LTO1: variants seen among roughly 807,000 people sequenced by gnomAD.
LTO1 encodes the protein protein LTO1 homolog.
A neutral mutation model predicts 19.8 loss-of-function variants in LTO1; 18 were observed. That is an observed-to-expected ratio of 0.91 (90% CI 0.63 to 1.35). LTO1 has a LOEUF of 1.35. LTO1 is among the 40% of genes most tolerant of loss of function. The pLI, the probability that LTO1 is intolerant of heterozygous loss-of-function variation, is 0.00. For synonymous variants in LTO1, 59 were observed against 59.6 expected (o/e 0.99, Z 0.05); for missense variants, 175 against 167.9 (o/e 1.04, Z -0.23).
At chr11:69,670,890 G>A (rs1856099321) in intron 3 of LTO1, among the ~76,000 whole-genome samples, 1 of 151,914 alleles carries the variant, frequency 6.6e-6, no homozygotes, top group Non-Finnish European at 1.5e-5. Flanking sequence ...AATGCAGGAA[G>A]AAGAGTTTTT....
intron 3 of LTO1, among the ~76,000 whole-genome samples, chr11:69,671,184 C>T (rs1035119633): frequency 6.6e-6 from 1 of 152,126 alleles, no homozygotes; most frequent in African/African-American, 2.4e-5. Context: ...TAGGAGTGAG[C>T]CACTGCGCCC....
chr11:69,673,689 C>CT (rs71046532), intron 1 of LTO1, among the ~76,000 whole-genome samples: 62,895 of 121,220 alleles, frequency 0.52, 18,570 homozygotes, highest in East Asian at 0.86. Context: ...TTCTTTCTTC[C>CT]TTTTTTTTTT....
At chr11:69,672,727 T>C in intron 2 of LTO1, 1 of 243,596 alleles carries the variant, frequency 4.1e-6, no homozygotes, top group East Asian at 9.6e-5. Flanking sequence ...AAATGCACTC[T>C]TGGTTCTGTA....
intron 1 of LTO1, 197 bp from the exon 2 acceptor site, chr11:69,673,518 C>T (rs1385309562): frequency 1.8e-6 from 1 of 568,920 alleles, no homozygotes. Flanking sequence ...GTCACTGTAC[C>T]TCTTGTAGCC....
chr11:69,667,808 GCCGCAGCGGCCCCGGGAGTGCGCTGCC>G, intron 4 of LTO1, 60 bp downstream of exon 4: 1 of 812,694 alleles, frequency 1.2e-6, no homozygotes, highest in East Asian at 2.5e-5. Context: ...CCAGGCCATT[GCCGCAGCGGCCCCGGGAGTGCGCTGCC>G]CCGCCTGGGA....
chr11:69,673,949 CG>C (rs1029324244), intron 1 of LTO1, among the ~76,000 whole-genome samples: 6 of 151,996 alleles, frequency 3.9e-5, no homozygotes, highest in Non-Finnish European at 7.4e-5. Flanking sequence ...CTCTGCTTCC[CG>C]GGTTCACGCT....
rs990094600 is a variant in LTO1, at chr11:69,667,011, T to C, written c.*508A>G. On this transcript the variant is annotated 3_prime_UTR_variant, in exon 5 of 5. Transcript: ENST00000279147. ...TGTAAAATGAGAATAACACCCATCT[T>C]GTGGGCTCCTGAAGGGATTAAATAA... The C allele has an allele frequency of 6.5e-6, 1 of 153,356 alleles. No homozygotes were observed. Among genetic ancestry groups the C allele is most frequent in the Non-Finnish European group, 1.4e-5 (1 of 68,966 alleles). The allele number at this position is 153,356 out of a possible 1,614,324, so 9.5% of individuals were successfully genotyped here.
intron 3 of LTO1, among the ~76,000 whole-genome samples, chr11:69,669,648 G>A (rs112267300): frequency 0.041 from 6,301 of 152,246 alleles, 252 homozygotes; most frequent in African/African-American, 0.094. Context: ...ACACCCAGCC[G>A]GGCGCACCAT....
chr11:69,668,802 T>C (rs770489824), intron 3 of LTO1, among the ~76,000 whole-genome samples: 1 of 151,152 alleles, frequency 6.6e-6, no homozygotes, highest in Non-Finnish European at 1.5e-5. Flanking sequence ...CCGAGGAGGG[T>C]GGATCACCTG....
chr11:69,667,676 C>G, intron 4 of LTO1, 89 bp from the exon 5 acceptor site: 1 of 979,338 alleles, frequency 1.0e-6, no homozygotes, highest in East Asian at 2.4e-5. Flanking sequence ...ATAGCTTTTC[C>G]TGTCTATGTG....
rs1015401633 is a variant in LTO1, at chr11:69,667,402, C to T, written c.*117G>A. The T allele has an allele frequency of 2.7e-6, 2 of 748,336 alleles. No individual in the cohort carries two copies. The highest frequency in any genetic ancestry group is 3.5e-5 in the African/African-American group (2 of 57,042). The allele number at this position is 748,336 out of a possible 1,614,324, so 46.4% of individuals were successfully genotyped here. On this transcript the variant is annotated 3_prime_UTR_variant, in exon 5 of 5. Transcript: ENST00000279147. Reference sequence around the variant, plus strand: ...AGCCCTCCCACGGCCGAACCGGAACCCTCACCCTCCCAATGAACAACTGCC... The same window carrying T: ...AGCCCTCCCACGGCCGAACCGGAACTCTCACCCTCCCAATGAACAACTGCC...
intron 2 of LTO1, chr11:69,672,981 T>C (rs1856129314): frequency 3.8e-6 from 2 of 520,476 alleles, no homozygotes; most frequent in African/African-American, 3.8e-5. Flanking sequence ...TCAGTATTTT[T>C]AGTAGAGACA....
intron 3 of LTO1, among the ~76,000 whole-genome samples, chr11:69,670,387 A>G (rs1232243699): frequency 6.6e-6 from 1 of 152,196 alleles, no homozygotes; most frequent in Non-Finnish European, 1.5e-5. Context: ...TGGAGTTGAG[A>G]GCCAGGCTCA....
At chr11:69,671,955 A>C in intron 2 of LTO1, 136 bp from the exon 3 acceptor site, 1 of 652,006 alleles carries the variant, frequency 1.5e-6, no homozygotes, top group Non-Finnish European at 2.8e-6. Flanking sequence ...GCACCTGTTG[A>C]GCATTAGGCA....
At chr11:69,673,848 T>C (rs1280446632) in intron 1 of LTO1, among the ~76,000 whole-genome samples, 1 of 152,070 alleles carries the variant, frequency 6.6e-6, no homozygotes, top group Non-Finnish European at 1.5e-5. Flanking sequence ...CCACCGCACC[T>C]GGCCTGCAAT....
rs1856033061 is a variant in LTO1, at chr11:69,666,392, G to A, written c.*1127C>T. ...CAGGAGGGGTGTGGAGAGCCAGCGTGTGGGGACTTCGGTGACCCTGGGGGG... is the reference window on the plus strand; with the variant it reads ...CAGGAGGGGTGTGGAGAGCCAGCGTATGGGGACTTCGGTGACCCTGGGGGG... On this transcript the variant is annotated 3_prime_UTR_variant, in exon 5 of 5. Coordinates refer to ENST00000279147, the MANE Select transcript of LTO1 (RefSeq NM_153451.3). 1 of 152,506 alleles carries A rather than the reference G, an allele frequency of 6.6e-6. No individual in the cohort carries two copies. 9.4% of individuals were successfully genotyped at this position (152,506 alleles called of 1,614,324 possible).
chr11:69,668,239 A>T (rs1856061727), intron 3 of LTO1: 1 of 474,296 alleles, frequency 2.1e-6, no homozygotes, highest in Non-Finnish European at 3.8e-6. Context: ...TAGCTTACAG[A>T]CACGCCTCCA....
chr11:69,668,215 A>T (rs1467817493), intron 3 of LTO1: 1 of 522,148 alleles, frequency 1.9e-6, no homozygotes, highest in Non-Finnish European at 3.5e-6. Flanking sequence ...GTGCCTCGAC[A>T]GCAAGTGTGT....
intron 1 of LTO1, 92 bp downstream of exon 1, chr11:69,675,098 G>A: frequency 8.4e-7 from 1 of 1,193,002 alleles, no homozygotes. Flanking sequence ...AGGGACGCCA[G>A]GCTCCAGCAG....
Sources: gnomAD v4.1 joint callset for allele counts (sites outside exome capture counted in the v4.1 genomes callset) on GRCh38, gnomAD v4.1.1 for gene constraint, MANE v1.5 for transcripts, NCBI Gene and HGNC (gene_info 2026-07-23, HGNC 2026-07-21) for gene names.